The following BRINP1 variants were observed in gnomAD, a reference collection of about 807,000 sequenced individuals.
BRINP1 encodes BMP/retinoic acid inducible neural specific 1, also known as BMP/retinoic acid-inducible neural-specific protein 1.
In BRINP1, 17 loss-of-function variants were observed where a neutral mutation model predicts 72.9. The ratio of observed to expected loss-of-function variants is 0.23; its 90% CI spans 0.16 to 0.35. The LOEUF (loss-of-function observed/expected upper bound fraction) is 0.35, where lower values mean the gene tolerates loss of function less well. BRINP1 is among the 10% of genes least tolerant of loss of function. The pLI is 1.00. For missense variants in BRINP1, 850 were observed against 1,001.6 expected (o/e 0.85, Z 2.04); for synonymous variants, 418 against 378.5 (o/e 1.10, Z -1.21).
intron 7 of BRINP1, among the ~76,000 whole-genome samples, chr9:119,201,351 C>T (rs747798415): frequency 2.6e-5 from 4 of 152,210 alleles, no homozygotes; most frequent in Non-Finnish European, 4.4e-5. Flanking sequence ...AACTATTACT[C>T]TCATTCTCTG....
chr9:119,171,365 A>C (rs1351407200), intron 7 of BRINP1, among the ~76,000 whole-genome samples: 6 of 129,348 alleles, frequency 4.6e-5, no homozygotes, highest in African/African-American at 1.5e-4. Flanking sequence ...TAAACCAACA[A>C]AGATCAAAAG....
intron 2 of BRINP1, among the ~76,000 whole-genome samples, chr9:119,309,064 A>T (rs1831033149): frequency 6.6e-6 from 1 of 152,230 alleles, no homozygotes; most frequent in South Asian, 2.1e-4. Context: ...CCATGAGAAT[A>T]AAAGAATAAT....
At chr9:119,255,983 A>AAAC (rs1830444044) in intron 2 of BRINP1, among the ~76,000 whole-genome samples, 1 of 125,234 alleles carries the variant, frequency 8.0e-6, no homozygotes, top group African/African-American at 2.8e-5. Flanking sequence ...AAAAAAAAAA[A>AAAC]CACGAGACAG....
At chr9:119,220,755 C>T (rs955275035) in intron 5 of BRINP1, among the ~76,000 whole-genome samples, 28 of 151,996 alleles carry the variant, frequency 1.8e-4, no homozygotes, top group Middle Eastern at 3.4e-3. Flanking sequence ...ATTATGAAGA[C>T]GAAAGAAAAT....
chr9:119,257,116 A>T (rs1830454049), intron 2 of BRINP1, among the ~76,000 whole-genome samples: 1 of 152,234 alleles, frequency 6.6e-6, no homozygotes, highest in Non-Finnish European at 1.5e-5. Flanking sequence ...CAGCTGAAGG[A>T]AAAAGGGGAA....
intron 7 of BRINP1, among the ~76,000 whole-genome samples, chr9:119,168,559 G>T (rs781064822): frequency 8.4e-6 from 1 of 119,394 alleles, no homozygotes; most frequent in Non-Finnish European, 2.0e-5. Context: ...TTCAGGAAAT[G>T]AAAGTGTCTA....
At chr9:119,286,514 G>A (rs1488761603) in intron 2 of BRINP1, among the ~76,000 whole-genome samples, 3 of 152,228 alleles carry the variant, frequency 2.0e-5, no homozygotes, top group Non-Finnish European at 2.9e-5. Context: ...GATTAAAGGC[G>A]TGAGCCACTG....
chr9:119,229,906 T>C (rs1159255080), intron 5 of BRINP1, among the ~76,000 whole-genome samples: 2 of 152,074 alleles, frequency 1.3e-5, no homozygotes, highest in African/African-American at 4.8e-5. Flanking sequence ...TATCAGTCTC[T>C]GTGTATTGTG....
chr9:119,168,103 G>C lies in BRINP1; in HGVS notation c.1267C>G (p.Gln423Glu). 1.2e-6 allele frequency: 2 copies of C among 1,609,184 alleles called. No individual in the cohort carries two copies. Among genetic ancestry groups the C allele is most frequent in the Non-Finnish European group, 1.7e-6 (2 of 1,177,100 alleles). ...CVCHGSTTLC[Q>E]RPIPCVIGGN... ...CCTATCACGCAGGGGATGGGGCGCTGGCACAGCGTGGTGCTGCCGTGGCAC... is the reference window on the plus strand; with the variant it reads ...CCTATCACGCAGGGGATGGGGCGCTCGCACAGCGTGGTGCTGCCGTGGCAC... The change falls in exon 8 of 8, where the codon CAG (glutamine) becomes GAG (glutamate). Residue 423 changes from glutamine to glutamate, a missense_variant. Physicochemically the swap from Gln to Glu is conservative, Grantham distance 29 (BLOSUM62 2). Transcript: ENST00000265922.
At chr9:119,210,797 G>A (rs868865296) in intron 6 of BRINP1, among the ~76,000 whole-genome samples, 7 of 152,170 alleles carry the variant, frequency 4.6e-5, no homozygotes, top group East Asian at 3.8e-4. Flanking sequence ...CTCTCAAGGC[G>A]TCAGTTTCCC....
chr9:119,269,854 C>T (rs946721467), intron 2 of BRINP1, among the ~76,000 whole-genome samples: 7 of 38,454 alleles, frequency 1.8e-4, no homozygotes, highest in Non-Finnish European at 3.5e-4. Context: ...ACTTGAGATA[C>T]ATTAATAAAA....
intron 1 of BRINP1, among the ~76,000 whole-genome samples, chr9:119,320,162 G>A (rs1019023950): frequency 3.9e-5 from 6 of 152,074 alleles, no homozygotes; most frequent in Middle Eastern, 3.2e-3. Flanking sequence ...AAAAGCCTTG[G>A]GTGGGTGGGA....
In BRINP1 at chr9:119,167,994, C is replaced by G. The variant is rs747785836; in HGVS notation, c.1376G>C (p.Gly459Ala). ...GTCCACGTTCTGTGGTTCACAGCGG[C>G]CTCGATACAGCTTGTAGCCCTTGTT... ...SCNKGYKLYR[G>A]RCEPQNVDSE... The change falls in exon 8 of 8, where the codon GGC becomes GCC. Residue 459 changes from glycine to alanine, a missense_variant. Coordinates refer to ENST00000265922, the MANE Select transcript of BRINP1 (RefSeq NM_014618.3). The surrounding 1 kb of genome is among the most constrained non-coding windows in gnomAD (Gnocchi z 4.3). The G allele has an allele frequency of 6.2e-7, 1 of 1,614,082 alleles. No homozygotes were observed. Among genetic ancestry groups the G allele is most frequent in the Non-Finnish European group, 8.5e-7 (1 of 1,180,030 alleles).
At chr9:119,263,625 T>TTTTA (rs1830517989) in intron 2 of BRINP1, among the ~76,000 whole-genome samples, 1 of 146,596 alleles carries the variant, frequency 6.8e-6, no homozygotes, top group Non-Finnish European at 1.5e-5. Flanking sequence ...TTTTTTTTTT[T>TTTTA]GAGACAGAGT....
intron 1 of BRINP1, among the ~76,000 whole-genome samples, chr9:119,338,974 AGAG>A (rs1483493718): frequency 2.0e-5 from 3 of 152,040 alleles, no homozygotes; most frequent in Non-Finnish European, 4.4e-5. Flanking sequence ...AGGGAGAAAG[AGAG>A]GAGGACAGTG....
intron 2 of BRINP1, among the ~76,000 whole-genome samples, chr9:119,275,545 C>T (rs1370811835): frequency 6.6e-6 from 1 of 152,168 alleles, no homozygotes; most frequent in Non-Finnish European, 1.5e-5. Context: ...ACAGTCTTAA[C>T]ATGATGGACT....
In BRINP1 at chr9:119,313,404, T is replaced by C. The variant is rs760484495; in HGVS notation, c.-49A>G. ...CTCATTCTTGCTCCATTCTGTGGAG[T>C]CCTATAGAAGAAAGAATAAAAAAGA... is the stretch of plus-strand genomic sequence containing the variant. On this transcript the variant is annotated splice_region_variant and 5_prime_UTR_variant, in exon 2 of 8. Coordinates refer to ENST00000265922, the MANE Select transcript of BRINP1 (RefSeq NM_014618.3). The C allele has an allele frequency of 4.4e-6, 7 of 1,578,348 alleles. No individual in the cohort carries two copies. In the South Asian group the frequency reaches 8.2e-5, roughly 18 times the overall value.
intron 3 of BRINP1, among the ~76,000 whole-genome samples, chr9:119,243,919 G>A (rs895840773): frequency 1.3e-5 from 2 of 152,154 alleles, no homozygotes; most frequent in African/African-American, 4.8e-5. Context: ...GAGAAAGAGT[G>A]GGCACCTGCA....
At chr9:119,367,431 C>T (rs1346854253) in intron 1 of BRINP1, among the ~76,000 whole-genome samples, 1 of 151,816 alleles carries the variant, frequency 6.6e-6, no homozygotes, top group East Asian at 2.0e-4. Context: ...GAGAAAGTAA[C>T]AGCTGCCGAG....
Sources: allele counts gnomAD v4.1 joint callset (sites outside exome capture counted in the v4.1 genomes callset), GRCh38; gene constraint gnomAD v4.1.1; non-coding constraint Gnocchi (gnomAD v3.1); transcripts MANE v1.5; gene names NCBI Gene and HGNC (gene_info 2026-07-23, HGNC 2026-07-21).